The following MAP2K5 variants were observed in gnomAD, a reference collection of about 807,000 sequenced individuals.
MAP2K5 encodes the protein mitogen-activated protein kinase kinase 5, also known as dual specificity mitogen-activated protein kinase kinase 5.
Under a neutral mutation model 83.1 loss-of-function variants are expected in MAP2K5, and 49 were observed. The ratio of observed to expected loss-of-function variants is 0.59; its 90% CI spans 0.47 to 0.75. The LOEUF (loss-of-function observed/expected upper bound fraction) is 0.75, where lower values mean the gene tolerates loss of function less well. Ranked by LOEUF, MAP2K5 falls within the 30% of genes least tolerant of loss-of-function variation. The pLI is 0.00. For missense variants in MAP2K5, 457 were observed against 557.5 expected, an observed-to-expected ratio of 0.82 and a Z score of 1.82; for synonymous variants, 202 against 191.8, an observed-to-expected ratio of 1.05 and a Z score of -0.44.
chr15:67,584,819 C>A (rs2085253623), intron 4 of MAP2K5, among the ~76,000 whole-genome samples: 2 of 151,486 alleles, frequency 1.3e-5, no homozygotes, highest in Non-Finnish European at 2.9e-5. Context: ...GCCTCAGCCT[C>A]CCGAGTAGCT....
At chr15:67,658,390 G>A (rs2087142100) in intron 11 of MAP2K5, among the ~76,000 whole-genome samples, 163 bp from the exon 12 acceptor site, 1 of 152,100 alleles carries the variant, frequency 6.6e-6, no homozygotes, top group Admixed American at 6.6e-5. Context: ...CAGGAAGTAT[G>A]ATTATGTTTT....
At position 67,755,556 on chromosome 15, in the gene MAP2K5, CAG is replaced by C. The variant is rs1264274533; in HGVS notation, c.1134+6956_1134+6957del. Among the ~76,000 whole-genome samples, 1 of 152,172 alleles carries C rather than the reference CAG, an allele frequency of 6.6e-6. No individual in the cohort carries two copies. Among genetic ancestry groups the C allele is most frequent in the Non-Finnish European group, 1.5e-5 (1 of 68,026 alleles). On this transcript the variant is annotated intron_variant, in intron 19 of 21. Coordinates refer to ENST00000178640, the MANE Select transcript of MAP2K5 (RefSeq NM_145160.3). This position sits in a 1 kb window ranked among gnomAD's most constrained non-coding sequence, Gnocchi z 4.7. ...CTTCACTAGCATTTCTAGAAAGCAT[CAG>C]GGGAGCCATGTCCAAGTGAAGAGTC...
chr15:67,632,248 A>G (rs1596687199), intron 9 of MAP2K5, among the ~76,000 whole-genome samples: 2 of 151,998 alleles, frequency 1.3e-5, no homozygotes, highest in East Asian at 3.9e-4. Flanking sequence ...AGAGGTGTGC[A>G]TCACCATGCC....
intron 13 of MAP2K5, among the ~76,000 whole-genome samples, chr15:67,687,106 T>C (rs2087976819): frequency 6.6e-6 from 1 of 152,184 alleles, no homozygotes; most frequent in Non-Finnish European, 1.5e-5. Context: ...TGCAGTAAAA[T>C]TGATTTTTTT....
chr15:67,788,549 C>T (rs1283307447), intron 21 of MAP2K5, among the ~76,000 whole-genome samples: 3 of 152,218 alleles, frequency 2.0e-5, no homozygotes, highest in Non-Finnish European at 4.4e-5. Flanking sequence ...TTTACTGTTA[C>T]TGTTTTTGTA....
Position 67,783,721 on chromosome 15 carries a change from T to C in MAP2K5, c.1242+10969T>C, listed in dbSNP as rs1194985753. On this transcript the variant is annotated intron_variant, in intron 21 of 21. Transcript: ENST00000178640. The surrounding 1 kb of genome is among the most constrained non-coding windows in gnomAD (Gnocchi z 5.1). ...AGTAGAATGCTCAAATATATGGTCA[T>C]TGAATTTAAATGATATGAATTTAAC... Among the ~76,000 whole-genome samples, 1 of 152,222 alleles carries C rather than the reference T, an allele frequency of 6.6e-6. No individual in the cohort carries two copies. The highest frequency in any genetic ancestry group is 2.4e-5 in the African/African-American group (1 of 41,456).
At chr15:67,570,674 AG>A (rs1459658463) in intron 3 of MAP2K5, among the ~76,000 whole-genome samples, 107 of 152,348 alleles carry the variant, frequency 7.0e-4, no homozygotes, top group African/African-American at 2.5e-3. Context: ...ACATCTGAGT[AG>A]CGTTATAATT....
chr15:67,733,884 C>T (rs933682745), intron 17 of MAP2K5, among the ~76,000 whole-genome samples: 1 of 152,170 alleles, frequency 6.6e-6, no homozygotes, highest in Non-Finnish European at 1.5e-5. Context: ...CTTCTGTCAT[C>T]CTTGGGTAAG....
rs1320141094 is a variant in MAP2K5 at position 67,777,427 on chromosome 15, C to T, written c.1242+4675C>T. 6.6e-6 allele frequency among the ~76,000 whole-genome samples: 1 copy of T among 152,138 alleles called. No individual in the cohort carries two copies. Among genetic ancestry groups the T allele is most frequent in the African/African-American group, 2.4e-5 (1 of 41,420 alleles). On this transcript the variant is annotated intron_variant, in intron 21 of 21. Transcript: ENST00000178640. The surrounding 1 kb of genome is among the most constrained non-coding windows in gnomAD (Gnocchi z 6.0). ...AATCAGGTCAGAAGAAGCAGCATCC[C>T]GGTTTGAGATCAATCGCTGGCTAAT...
intron 8 of MAP2K5, among the ~76,000 whole-genome samples, chr15:67,617,670 A>G (rs767326118): frequency 6.6e-6 from 1 of 151,956 alleles, no homozygotes; most frequent in African/African-American, 2.4e-5. Flanking sequence ...TTAACATGTT[A>G]TTTTCACATA....
At chr15:67,655,200 A>G (rs1737083458) in intron 11 of MAP2K5, among the ~76,000 whole-genome samples, 1 of 152,188 alleles carries the variant, frequency 6.6e-6, no homozygotes, top group South Asian at 2.1e-4. Flanking sequence ...AAATTATGCC[A>G]TTGTCTCTTA....
intron 13 of MAP2K5, among the ~76,000 whole-genome samples, chr15:67,682,937 C>T (rs1207742046): frequency 1.3e-5 from 2 of 151,576 alleles, no homozygotes; most frequent in Non-Finnish European, 2.9e-5. Context: ...GTCAGGAGTT[C>T]GAGACCAGCC....
chr15:67,609,585 G>A (rs28478056), intron 8 of MAP2K5, among the ~76,000 whole-genome samples: 161 of 2,168 alleles, frequency 0.074, 50 homozygotes, highest in South Asian at 0.16. Flanking sequence ...CTATAGGTCT[G>A]TAGATTCTGT....
chr15:67,806,147 A>G (rs1236264911), intron 21 of MAP2K5, among the ~76,000 whole-genome samples: 1 of 152,156 alleles, frequency 6.6e-6, no homozygotes, highest in Non-Finnish European at 1.5e-5. Context: ...CTTCCCTCCA[A>G]TTGCAGGTGG....
intron 13 of MAP2K5, among the ~76,000 whole-genome samples, chr15:67,686,170 A>G (rs2087947943): frequency 6.6e-6 from 1 of 152,306 alleles, no homozygotes; most frequent in African/African-American, 2.4e-5. Flanking sequence ...TTAAGTGTGA[A>G]TGGTCTAAAC....
At chr15:67,588,129 G>A (rs900151778) in intron 6 of MAP2K5, 18 of 984,824 alleles carry the variant, frequency 1.8e-5, no homozygotes, top group Non-Finnish European at 1.9e-5. Flanking sequence ...AACCTCCATA[G>A]CAGGTGAGCA....
At chr15:67,733,212 A>G (rs1039589218) in intron 17 of MAP2K5, among the ~76,000 whole-genome samples, 11 of 152,170 alleles carry the variant, frequency 7.2e-5, no homozygotes, top group Admixed American at 4.6e-4. Flanking sequence ...ATCAGACTTG[A>G]TCTGATGTTT....
At position 67,566,705 on chromosome 15, in the gene MAP2K5, C is replaced by G. The variant is rs528073508; in HGVS notation, c.252+3355C>G. Reference sequence around the variant, plus strand: ...GAAACTTGAAGAATTACTTTTTCCCCCTCTTGGATGCAGGCATTTTCTGGC... The same window carrying G: ...GAAACTTGAAGAATTACTTTTTCCCGCTCTTGGATGCAGGCATTTTCTGGC... On this transcript the variant is annotated intron_variant, in intron 3 of 21. Coordinates refer to ENST00000178640, the MANE Select transcript of MAP2K5 (RefSeq NM_145160.3). Among the ~76,000 whole-genome samples the G allele has an allele frequency of 3.8e-3, 577 of 152,292 alleles. 3 individuals are homozygous for G. Among genetic ancestry groups the G allele is most frequent in the Middle Eastern group, 6.8e-3 (2 of 294 alleles).
intron 16 of MAP2K5, among the ~76,000 whole-genome samples, 190 bp from the exon 17 acceptor site, chr15:67,727,726 G>A (rs928249088): frequency 3.3e-5 from 5 of 152,142 alleles, no homozygotes; most frequent in African/African-American, 2.4e-5. Context: ...GTGCAACATC[G>A]TCCATTGAAA....
Sources: gnomAD v4.1 joint callset for allele counts (sites outside exome capture counted in the v4.1 genomes callset) on GRCh38, gnomAD v4.1.1 for gene constraint, Gnocchi (gnomAD v3.1) non-coding constraint, MANE v1.5 for transcripts, NCBI Gene and HGNC (gene_info 2026-07-23, HGNC 2026-07-21) for gene names.